ITFG1: variants seen among roughly 807,000 people sequenced by gnomAD.
ITFG1 encodes T-cell immunomodulatory protein.
A neutral mutation model predicts 81.8 loss-of-function variants in ITFG1; 34 were observed. That is an observed-to-expected ratio of 0.42 (90% CI 0.32 to 0.55). The LOEUF is 0.55. ITFG1 is among the 20% of genes least tolerant of loss of function. The pLI is 0.17. For missense variants in ITFG1, 672 were observed against 755.4 expected, an observed-to-expected ratio of 0.89 and a Z score of 1.29; for synonymous variants, 285 against 270.6, an observed-to-expected ratio of 1.05 and a Z score of -0.52.
At chr16:47,178,894 AC>A (rs1273224575) in intron 14 of ITFG1, among the ~76,000 whole-genome samples, 1 of 152,142 alleles carries the variant, frequency 6.6e-6, no homozygotes, top group Non-Finnish European at 1.5e-5. Flanking sequence ...AAATCAAACA[AC>A]CCCATCAAAA....
intron 6 of ITFG1, among the ~76,000 whole-genome samples, chr16:47,388,902 T>A (rs1968495719): frequency 2.0e-5 from 3 of 152,174 alleles, no homozygotes; most frequent in Admixed American, 2.0e-4. Context: ...AGGAAGTTCC[T>A]GCACGGCTGC....
chr16:47,429,764 T>C (rs1191778484), intron 5 of ITFG1, among the ~76,000 whole-genome samples: 1 of 152,178 alleles, frequency 6.6e-6, no homozygotes, highest in African/African-American at 2.4e-5. Context: ...CATTCTTAAA[T>C]TGTGTTATGT....
chr16:47,230,503 G>A (rs988897803), intron 13 of ITFG1, among the ~76,000 whole-genome samples: 47 of 152,136 alleles, frequency 3.1e-4, no homozygotes, highest in African/African-American at 1.0e-3. Flanking sequence ...AGGTACATAT[G>A]TATACATGTA....
At chr16:47,382,725 A>T (rs1465999325) in intron 6 of ITFG1, among the ~76,000 whole-genome samples, 1 of 152,238 alleles carries the variant, frequency 6.6e-6, no homozygotes, top group Non-Finnish European at 1.5e-5. Context: ...ATTTTAGGCA[A>T]AACCAATAAA....
intron 8 of ITFG1, among the ~76,000 whole-genome samples, chr16:47,321,691 C>T (rs1967450747): frequency 6.6e-6 from 1 of 152,100 alleles, no homozygotes; most frequent in Non-Finnish European, 1.5e-5. Flanking sequence ...CACAGCAAGA[C>T]TCTATCATTT....
intron 10 of ITFG1, among the ~76,000 whole-genome samples, chr16:47,304,527 G>A (rs978900348): frequency 2.6e-5 from 4 of 152,200 alleles, no homozygotes; most frequent in African/African-American, 9.6e-5. Flanking sequence ...TAGTGCATGT[G>A]TTTCACAATG....
chr16:47,240,296 A>T (rs1383547739), intron 12 of ITFG1, among the ~76,000 whole-genome samples: 1 of 121,926 alleles, frequency 8.2e-6, no homozygotes, highest in Non-Finnish European at 1.7e-5. Context: ...ATCCTGTCTC[A>T]AAAAAAAAAA....
At chr16:47,448,753 C>T (rs1969352471) in intron 5 of ITFG1, 1 of 151,904 alleles carries the variant, frequency 6.6e-6, no homozygotes, top group South Asian at 2.1e-4. Context: ...TTCCAATGTC[C>T]TCTTATAGAA....
At chr16:47,452,929 C>G (rs1969407716) in intron 3 of ITFG1, 139 bp from the exon 4 acceptor site, 1 of 515,678 alleles carries the variant, frequency 1.9e-6, no homozygotes, top group Non-Finnish European at 3.4e-6. Flanking sequence ...TAATGAGATA[C>G]TATAAATCTA....
chr16:47,425,074 A>G (rs1969002268), intron 6 of ITFG1, among the ~76,000 whole-genome samples: 1 of 152,006 alleles, frequency 6.6e-6, no homozygotes, highest in Admixed American at 6.6e-5. Context: ...GTCCTTGCTG[A>G]GCTGCAGTGA....
chr16:47,400,203 ACTTTC>A (rs1968643125), intron 6 of ITFG1, among the ~76,000 whole-genome samples: 1 of 152,156 alleles, frequency 6.6e-6, no homozygotes, highest in Admixed American at 6.5e-5. Context: ...GCTTGCTTGT[ACTTTC>A]CTTCCTTCAC....
At chr16:47,209,653 A>C (rs1427031738) in intron 14 of ITFG1, among the ~76,000 whole-genome samples, 1 of 152,202 alleles carries the variant, frequency 6.6e-6, no homozygotes, top group South Asian at 2.1e-4. Context: ...GAACGTTTCC[A>C]TCACCACAAG....
At chr16:47,265,401 T>G (rs1304538571) in intron 10 of ITFG1, among the ~76,000 whole-genome samples, 1 of 152,072 alleles carries the variant, frequency 6.6e-6, no homozygotes, top group African/African-American at 2.4e-5. Flanking sequence ...TTTTTCTTAT[T>G]ATTTAAATTT....
chr16:47,411,595 CTG>C (rs1968811746), intron 6 of ITFG1, among the ~76,000 whole-genome samples: 1 of 152,172 alleles, frequency 6.6e-6, no homozygotes, highest in African/African-American at 2.4e-5. Flanking sequence ...TGCTCTGACT[CTG>C]CCAAGCAAAG....
At chr16:47,226,155 T>C (rs1965754613) in intron 13 of ITFG1, among the ~76,000 whole-genome samples, 1 of 152,186 alleles carries the variant, frequency 6.6e-6, no homozygotes, top group African/African-American at 2.4e-5. Flanking sequence ...TGAACTAGAT[T>C]GTTTCTAAGT....
At chr16:47,404,128 G>A (rs368942248) in intron 6 of ITFG1, among the ~76,000 whole-genome samples, 1 of 152,062 alleles carries the variant, frequency 6.6e-6, no homozygotes, top group East Asian at 1.9e-4. Context: ...ACCATTCTCT[G>A]GGGCCAAAAG....
At chr16:47,222,120 T>C (rs2151528276) in intron 13 of ITFG1, among the ~76,000 whole-genome samples, 1 of 152,158 alleles carries the variant, frequency 6.6e-6, no homozygotes, top group East Asian at 1.9e-4. Context: ...ATTTCTTACC[T>C]TCTGCTAGCT....
chr16:47,206,377 T>A (rs1474167086), intron 14 of ITFG1, among the ~76,000 whole-genome samples: 1 of 152,206 alleles, frequency 6.6e-6, no homozygotes, highest in Non-Finnish European at 1.5e-5. Flanking sequence ...TATTGAGATA[T>A]AATTCACATG....
At chr16:47,358,664 T>C (rs989574018) in intron 8 of ITFG1, among the ~76,000 whole-genome samples, 2 of 152,232 alleles carry the variant, frequency 1.3e-5, no homozygotes, top group African/African-American at 4.8e-5. Flanking sequence ...GGTCTTAATA[T>C]TTCCTAAACT....
Sources: gnomAD v4.1 joint callset for allele counts (sites outside exome capture counted in the v4.1 genomes callset) on GRCh38, gnomAD v4.1.1 for gene constraint, MANE v1.5 for transcripts, NCBI Gene and HGNC (gene_info 2026-07-23, HGNC 2026-07-21) for gene names.